CDKL5: variants seen among roughly 807,000 people sequenced by gnomAD.
CDKL5 encodes cyclin-dependent kinase-like 5.
CDKL5 carries 8 observed loss-of-function variants against 61.7 expected under a neutral mutation model. The ratio of observed to expected loss-of-function variants is 0.13; its 90% CI spans 0.08 to 0.23. CDKL5 has a LOEUF of 0.23. CDKL5 is among the 10% of genes least tolerant of loss of function. CDKL5 has a pLI of 1.00. For synonymous variants in CDKL5, 275 were observed against 272.3 expected (o/e 1.01, Z -0.10); for missense variants, 440 against 734.5 (o/e 0.60, Z 4.63).
rs1253882825 is a variant in CDKL5, at chrX:18,637,352, A to C, written c.*8595A>C. 1 of 102,771 alleles carries C rather than the reference A, an allele frequency of 9.7e-6. No individual in the cohort carries two copies. Among genetic ancestry groups the C allele is most frequent in the East Asian group, 3.0e-4 (1 of 3,315 alleles). The allele number at this position is 102,771 out of a possible 1,213,427, so 8.5% of individuals were successfully genotyped here. The stretch of plus-strand genomic sequence containing the variant: ...CAGTGAGCCGAGATCACGCCACTGC[A>C]CTCCAGCCTGGCAACAGAGCGAGAC... On this transcript the variant is annotated 3_prime_UTR_variant, in exon 18 of 18. Transcript: ENST00000623535.
At chrX:18,438,855 A>C (rs1327541079) in intron 1 of CDKL5, among the ~76,000 whole-genome samples, 1 of 109,638 alleles carries the variant, frequency 9.1e-6, no homozygotes, top group Non-Finnish European at 1.9e-5. Flanking sequence ...GAATTGCAAG[A>C]AGTAATGTTT....
At chrX:18,502,839 T>C (rs184257087) in intron 1 of CDKL5, among the ~76,000 whole-genome samples, 1 of 112,022 alleles carries the variant, frequency 8.9e-6, no homozygotes, top group Admixed American at 9.5e-5. Flanking sequence ...ACTTTTCTTA[T>C]CTTTCTTACT....
intron 3 of CDKL5, among the ~76,000 whole-genome samples, chrX:18,514,823 C>T (rs1211181201): frequency 9.1e-6 from 1 of 109,518 alleles, no homozygotes; most frequent in Non-Finnish European, 1.9e-5. Flanking sequence ...TTTTTTGTGA[C>T]GAAGTCTCAC....
intron 1 of CDKL5, among the ~76,000 whole-genome samples, chrX:18,434,221 TG>T (rs1229071910): frequency 8.9e-6 from 1 of 111,876 alleles, no homozygotes; most frequent in Non-Finnish European, 1.9e-5. Flanking sequence ...GTTATTTTTT[TG>T]GGTACATATA....
At chrX:18,532,606 A>C (rs1394070991) in intron 3 of CDKL5, among the ~76,000 whole-genome samples, 1 of 112,026 alleles carries the variant, frequency 8.9e-6, no homozygotes, top group Non-Finnish European at 1.9e-5. Flanking sequence ...AGTAATTATA[A>C]ACTACAGATC....
At position 18,566,940 on chromosome X, in the gene CDKL5, C is replaced by T. The variant is rs1396581841; in HGVS notation, c.145+2418C>T. Among the ~76,000 whole-genome samples the T allele has an allele frequency of 2.7e-5, 3 of 111,497 alleles. 1 individual carries two copies. The highest frequency in any genetic ancestry group is 5.6e-4 in the East Asian group (2 of 3,544). On this transcript the variant is annotated intron_variant, in intron 4 of 17. Transcript: ENST00000623535. ...AGCCTTATCACCCACCCCACCTTGT[C>T]AATGACACCTACGTACCACCTACAC...
intron 14 of CDKL5, among the ~76,000 whole-genome samples, chrX:18,610,941 C>T (rs995116347): frequency 1.9e-4 from 21 of 111,678 alleles, no homozygotes; most frequent in Non-Finnish European, 3.2e-4. Flanking sequence ...GGATTTGGGG[C>T]GGGGGCATGG....
chrX:18,459,698 CTTTTTTTTTTT>C (rs756249968), intron 1 of CDKL5, among the ~76,000 whole-genome samples: 2 of 53,575 alleles, frequency 3.7e-5, no homozygotes, highest in East Asian at 1.2e-3. Context: ...AGCTTTCTTT[CTTTTTTTTTTT>C]TTTTTTTTTT....
intron 3 of CDKL5, among the ~76,000 whole-genome samples, chrX:18,517,876 C>T (rs142299700): frequency 0.011 from 1,246 of 111,160 alleles, 18 homozygotes; most frequent in African/African-American, 0.038. Context: ...GGCATGGTGG[C>T]GGACACCTGT....
At chrX:18,531,852 G>A (rs1416682040) in intron 3 of CDKL5, among the ~76,000 whole-genome samples, 2 of 107,669 alleles carry the variant, frequency 1.9e-5, no homozygotes, top group Non-Finnish European at 3.8e-5. Flanking sequence ...GACTACAGGC[G>A]CCTGCCACCG....
chrX:18,634,141 G>A lies in CDKL5; in HGVS notation c.*5384G>A. The A allele has an allele frequency of 1.3e-6, 1 of 753,753 alleles. No individual in the cohort carries two copies. Among genetic ancestry groups the A allele is most frequent in the South Asian group, 6.8e-5 (1 of 14,807 alleles). The allele number at this position is 753,753 out of a possible 1,213,427, so 62.1% of individuals were successfully genotyped here. A position where few individuals can be genotyped will look rare whatever the true frequency, so the allele number is the denominator to read the frequency against. On this transcript the variant is annotated 3_prime_UTR_variant, in exon 18 of 18. Coordinates refer to ENST00000623535, the MANE Select transcript of CDKL5 (RefSeq NM_001323289.2). ...TTGGAATCTGAAAATCGGTCTCCAT[G>A]TTGTATGCAGATTAGAAGTTGCCTT...
At chrX:18,622,196 G>A (rs937512631) in intron 16 of CDKL5, among the ~76,000 whole-genome samples, 2 of 112,086 alleles carry the variant, frequency 1.8e-5, no homozygotes, top group Non-Finnish European at 3.8e-5. Context: ...TAGTAATATA[G>A]ATTAGAGTAA....
At position 18,631,114 on chromosome X, in the gene CDKL5, T is replaced by C; in HGVS notation, c.*2357T>C. 10 of 752,916 alleles carry C rather than the reference T, an allele frequency of 1.3e-5. No individual in the cohort carries two copies. Among genetic ancestry groups the C allele is most frequent in the Non-Finnish European group, 1.6e-5 (10 of 638,712 alleles). The allele number at this position is 752,916 out of a possible 1,213,427, so 62.0% of individuals were successfully genotyped here. ...TGGTTTCCCATGTTGTCATCCTTGC[T>C]AACACTGGGATCTCAGATGTTTGCA... On this transcript the variant is annotated 3_prime_UTR_variant, in exon 18 of 18. Transcript: ENST00000623535.
At chrX:18,578,190 A>G (rs1028104168) in intron 5 of CDKL5, among the ~76,000 whole-genome samples, 3 of 112,546 alleles carry the variant, frequency 2.7e-5, no homozygotes, top group Admixed American at 9.4e-5. Flanking sequence ...TAGTTGTCTC[A>G]CATTTGATTA....
At chrX:18,544,909 G>A (rs757110963) in intron 3 of CDKL5, among the ~76,000 whole-genome samples, 3 of 111,750 alleles carry the variant, frequency 2.7e-5, no homozygotes, top group East Asian at 5.6e-4. Context: ...GTTTTTGTAA[G>A]TAGGAAACAA....
At chrX:18,527,423 G>A (rs929876600) in intron 3 of CDKL5, among the ~76,000 whole-genome samples, 3 of 111,486 alleles carry the variant, frequency 2.7e-5, no homozygotes, top group Admixed American at 9.5e-5. Context: ...ATATACACAG[G>A]CCTATTCAGA....
intron 1 of CDKL5, among the ~76,000 whole-genome samples, chrX:18,456,375 G>A (rs1484162116): frequency 8.9e-6 from 1 of 112,041 alleles, no homozygotes; most frequent in African/African-American, 3.2e-5. Flanking sequence ...CAATCTTGAT[G>A]TGGTGTAGTT....
At chrX:18,537,042 C>T (rs1397026951) in intron 3 of CDKL5, among the ~76,000 whole-genome samples, 2 of 107,781 alleles carry the variant, frequency 1.9e-5, no homozygotes, top group Non-Finnish European at 1.9e-5. Flanking sequence ...CTTCTTCCCA[C>T]CACAGGGCGC....
At chrX:18,532,571 A>G (rs779233512) in intron 3 of CDKL5, among the ~76,000 whole-genome samples, 1 of 111,897 alleles carries the variant, frequency 8.9e-6, no homozygotes, top group Non-Finnish European at 1.9e-5. Context: ...CCAATGGTTT[A>G]TTTTCAATTA....
Sources: gnomAD v4.1 joint callset for allele counts (sites outside exome capture counted in the v4.1 genomes callset) on GRCh38, gnomAD v4.1.1 for gene constraint, MANE v1.5 for transcripts, NCBI Gene and HGNC (gene_info 2026-07-23, HGNC 2026-07-21) for gene names.